The following KIFC3 variants were observed in gnomAD, a reference collection of about 807,000 sequenced individuals.
The protein encoded by KIFC3 is kinesin-like protein KIFC3.
In KIFC3, 60 loss-of-function variants were observed where a neutral mutation model predicts 101.8. The observed-to-expected ratio is 0.59, with a 90% confidence interval of 0.48 to 0.73. KIFC3 has a LOEUF of 0.73. Ranked by LOEUF, KIFC3 falls within the 30% of genes least tolerant of loss-of-function variation. KIFC3 has a pLI of 0.00. For missense variants in KIFC3, 966 were observed against 1,137.1 expected (o/e 0.85, Z 2.16); for synonymous variants, 476 against 482.7 (o/e 0.99, Z 0.18).
At chr16:57,772,624 G>A (rs1047620854) in intron 3 of KIFC3, among the ~76,000 whole-genome samples, 12 of 151,766 alleles carry the variant, frequency 7.9e-5, no homozygotes, top group Admixed American at 2.0e-4. Flanking sequence ...CTCACTACAC[G>A]AGCCCCTCCC....
chr16:57,767,008 G>A (rs1267668536), intron 9 of KIFC3, 23 bp from the exon 10 acceptor site: 2 of 1,569,458 alleles, frequency 1.3e-6, no homozygotes, highest in Non-Finnish European at 1.8e-6. Context: ...GCACACCACT[G>A]TCAGGGGGAC....
rs550844920 is a variant in KIFC3 at position 57,840,946 on chromosome 16, G to A, written c.108+21783C>T. ...CTAGGCTTCCTGTGTCCACACTCCGGCTTTCTGGCGATCCTCCTCCACCAG... is the reference window on the plus strand; with the variant it reads ...CTAGGCTTCCTGTGTCCACACTCCGACTTTCTGGCGATCCTCCTCCACCAG... On this transcript the variant is annotated intron_variant, in intron 1 of 2. Transcript: ENST00000563028. Among the ~76,000 whole-genome samples the A allele has an allele frequency of 2.0e-5, 3 of 152,182 alleles. No individual in the cohort carries two copies. In the South Asian group the frequency reaches 6.2e-4, roughly 32 times the overall value.
chr16:57,781,587 T>G (rs1324095833), intron 3 of KIFC3, among the ~76,000 whole-genome samples: 1 of 152,154 alleles, frequency 6.6e-6, no homozygotes, highest in African/African-American at 2.4e-5. Context: ...CTGCTCTCAG[T>G]AAATACAAAC....
rs1316287032 is a variant in KIFC3, at chr16:57,795,159, G to A, written c.173-18C>T. 2 of 1,604,486 alleles carry A rather than the reference G, an allele frequency of 1.2e-6. No homozygotes were observed. The highest frequency in any genetic ancestry group is 1.7e-6 in the Non-Finnish European group (2 of 1,176,276). ...TCCACGCCCTGTCCCAGGACAGAGAGATAGGTGAGACACTCCGACCACTGG... is the reference window on the plus strand; with the variant it reads ...TCCACGCCCTGTCCCAGGACAGAGAAATAGGTGAGACACTCCGACCACTGG... On this transcript the variant is annotated intron_variant, in intron 2 of 19. Transcript: ENST00000445690.
intron 19 of KIFC3, 100 bp downstream of exon 19, chr16:57,759,025 G>A (rs1171622619): frequency 1.3e-6 from 2 of 1,541,752 alleles, no homozygotes; most frequent in East Asian, 4.7e-5. Context: ...CGACAGCAGG[G>A]GCTAGACCCA....
chr16:57,761,476 A>C lies in KIFC3; in HGVS notation c.1809T>G (p.Ser603Arg). The change falls in exon 14 of 20, where the codon AGT (serine) becomes AGG (arginine). Residue 603 changes from serine (S) to arginine (R), a missense_variant. By Grantham distance (110) the Ser-to-Arg change is moderately radical (BLOSUM62 -1). Coordinates refer to ENST00000445690, the MANE Select transcript of KIFC3 (RefSeq NM_001130100.2). Reference protein sequence around the residue: ...KLEIRLCPDGSGQLYVPGLTE... With the variant: ...KLEIRLCPDGRGQLYVPGLTE... ...TCAGCCCTGGTACATACAGCTGCCCACTGCCGTCTGGGCACAGCCGGATCT... is the reference window on the plus strand; with the variant it reads ...TCAGCCCTGGTACATACAGCTGCCCCCTGCCGTCTGGGCACAGCCGGATCT... 6.2e-7 allele frequency: 1 copy of C among 1,613,822 alleles called. No homozygotes were observed. The highest frequency in any genetic ancestry group is 8.5e-7 in the Non-Finnish European group (1 of 1,179,868).
intron 3 of KIFC3, among the ~76,000 whole-genome samples, chr16:57,790,268 G>A (rs1426927074): frequency 1.3e-5 from 2 of 150,264 alleles, no homozygotes; most frequent in Admixed American, 6.6e-5. Flanking sequence ...TTTGTGTAGA[G>A]ATGGGGTTTT....
intron 3 of KIFC3, among the ~76,000 whole-genome samples, chr16:57,788,965 G>T (rs2149143739): frequency 6.6e-6 from 1 of 152,346 alleles, no homozygotes; most frequent in African/African-American, 2.4e-5. Flanking sequence ...CAGCAAAGAA[G>T]GTTCTTAGGT....
chr16:57,778,249 C>T (rs2052347247), intron 3 of KIFC3, among the ~76,000 whole-genome samples: 1 of 152,212 alleles, frequency 6.6e-6, no homozygotes, highest in Non-Finnish European at 1.5e-5. Flanking sequence ...CACCACACTG[C>T]AGCCTGGGCA....
chr16:57,854,200 C>T (rs1284844782), intron 1 of KIFC3, among the ~76,000 whole-genome samples: 1 of 152,154 alleles, frequency 6.6e-6, no homozygotes, highest in Non-Finnish European at 1.5e-5. Flanking sequence ...CCTCACCCTC[C>T]CAAAGTGCTG....
At chr16:57,794,805 T>A (rs892920839) in intron 3 of KIFC3, among the ~76,000 whole-genome samples, 194 bp downstream of exon 3, 14 of 152,114 alleles carry the variant, frequency 9.2e-5, no homozygotes, top group Non-Finnish European at 1.6e-4. Flanking sequence ...TCCTGTCAGC[T>A]CCTATGAGAT....
chr16:57,858,359 T>G (rs752664469), intron 1 of KIFC3, among the ~76,000 whole-genome samples: 104 of 152,310 alleles, frequency 6.8e-4, no homozygotes, highest in Middle Eastern at 3.4e-3. Flanking sequence ...AACACAGAAA[T>G]AGCTGAAGCC....
intron 1 of KIFC3, among the ~76,000 whole-genome samples, chr16:57,836,818 A>G (rs1342550239): frequency 6.6e-6 from 1 of 152,146 alleles, no homozygotes; most frequent in Non-Finnish European, 1.5e-5. Context: ...CAGCCTCCTG[A>G]GTAGCTGAGA....
intron 3 of KIFC3, among the ~76,000 whole-genome samples, chr16:57,787,309 C>T (rs2053436284): frequency 6.6e-6 from 1 of 152,178 alleles, no homozygotes; most frequent in Admixed American, 6.5e-5. Flanking sequence ...CCGAAAGGAG[C>T]CCAGCACCAT....
At chr16:57,793,226 C>T (rs1421462024) in intron 3 of KIFC3, among the ~76,000 whole-genome samples, 3 of 151,116 alleles carry the variant, frequency 2.0e-5, no homozygotes, top group Non-Finnish European at 1.5e-5. Flanking sequence ...GTGAAGGTTG[C>T]AGTGGGCTGC....
intron 11 of KIFC3, 50 bp from the exon 12 acceptor site, chr16:57,764,297 G>T: frequency 8.6e-7 from 1 of 1,166,348 alleles, no homozygotes; most frequent in South Asian, 1.3e-5. Flanking sequence ...CAGGGCCGCT[G>T]GGACCACCAG....
Position 57,802,179 on chromosome 16 carries a change from C to T in KIFC3, c.-40+191G>A, listed in dbSNP as rs1450548307. Among the ~76,000 whole-genome samples, 1 of 152,230 alleles carries T rather than the reference C, an allele frequency of 6.6e-6. No homozygotes were observed. The highest frequency in any genetic ancestry group is 1.5e-5 in the Non-Finnish European group (1 of 68,030). On this transcript the variant is annotated intron_variant, in intron 1 of 19. Coordinates refer to ENST00000445690, the MANE Select transcript of KIFC3 (RefSeq NM_001130100.2). The surrounding 1 kb of genome is among the most constrained non-coding windows in gnomAD (Gnocchi z 5.0). Reference sequence around the variant, plus strand: ...GCCCAGCTCCCAGCAAGGTCCTCGACTCGGGCTGAACGGCGCTGGAGGGGA... The same window carrying T: ...GCCCAGCTCCCAGCAAGGTCCTCGATTCGGGCTGAACGGCGCTGGAGGGGA...
chr16:57,807,929 T>TAAAAAAAAAAAAAAAAAAAA (rs58392665), upstream of KIFC3: 1 of 81,562 alleles, frequency 1.2e-5, no homozygotes, highest in African/African-American at 4.9e-5. Flanking sequence ...GATCCTGTCT[T>TAAAAAAAAAAAAAAAAAAAA]AAAAAAAAAA....
At chr16:57,764,439 G>A (rs1004057022) in intron 11 of KIFC3, 192 bp from the exon 12 acceptor site, 23 of 571,470 alleles carry the variant, frequency 4.0e-5, no homozygotes, top group Admixed American at 1.2e-4. Flanking sequence ...CAACCGGGCC[G>A]CCCAAAGACT....
Sources: gnomAD v4.1 joint callset for allele counts (sites outside exome capture counted in the v4.1 genomes callset) on GRCh38, gnomAD v4.1.1 for gene constraint, Gnocchi (gnomAD v3.1) non-coding constraint, MANE v1.5 for transcripts, NCBI Gene and HGNC (gene_info 2026-07-23, HGNC 2026-07-21) for gene names.